Variants in COQ5 observed in about 807,000 individuals in gnomAD.
COQ5 encodes 2-methoxy-6-polyprenyl-1,4-benzoquinol methylase, mitochondrial.
In COQ5, 27 loss-of-function variants were observed where a neutral mutation model predicts 40.5. That is an observed-to-expected ratio of 0.67 (90% CI 0.49 to 0.92). The LOEUF is 0.92. COQ5 is among the 40% of genes least tolerant of loss of function. The pLI is 0.00. For missense variants in COQ5, 409 were observed against 406.4 expected, an observed-to-expected ratio of 1.01 and a Z score of -0.06; for synonymous variants, 141 against 150.0, an observed-to-expected ratio of 0.94 and a Z score of 0.44.
At chr12:120,522,083 A>C in intron 2 of COQ5, 131 bp downstream of exon 2, 2 of 870,926 alleles carry the variant, frequency 2.3e-6, no homozygotes, top group Non-Finnish European at 3.6e-6. Flanking sequence ...TGCCTTTCTC[A>C]GAAGTTATAA....
chr12:120,513,956 C>T (rs571460729), intron 3 of COQ5, among the ~76,000 whole-genome samples: 21 of 152,242 alleles, frequency 1.4e-4, no homozygotes, highest in African/African-American at 5.1e-4. Context: ...TACTATGGGG[C>T]ACTTAATAAT....
At chr12:120,518,018 G>T (rs1869460189) in intron 2 of COQ5, among the ~76,000 whole-genome samples, 1 of 152,006 alleles carries the variant, frequency 6.6e-6, no homozygotes, top group Non-Finnish European at 1.5e-5. Flanking sequence ...TGTTGGTCAG[G>T]CTGGTCTCGA....
At chr12:120,522,110 T>C in intron 2 of COQ5, 104 bp downstream of exon 2, 1 of 1,183,654 alleles carries the variant, frequency 8.4e-7, no homozygotes, top group South Asian at 1.4e-5. Context: ...AGATTTTCAA[T>C]CACCATCTTC....
At chr12:120,526,167 C>T (rs1166268428) in intron 1 of COQ5, among the ~76,000 whole-genome samples, 1 of 152,188 alleles carries the variant, frequency 6.6e-6, no homozygotes, top group African/African-American at 2.4e-5. Flanking sequence ...ACTTCTTTCC[C>T]AGACTTTAGG....
chr12:120,522,367 A>G lies in COQ5; in HGVS notation c.203-4T>C, dbSNP rs781142471. The G allele has an allele frequency of 1.2e-6, 2 of 1,613,044 alleles. No homozygotes were observed. Among genetic ancestry groups the G allele is most frequent in the South Asian group, 2.2e-5 (2 of 91,052 alleles). On this transcript the variant is annotated splice_region_variant and splice_polypyrimidine_tract_variant and intron_variant, in intron 1 of 6. Transcript: ENST00000288532. ...ACACTTTCAAACACCTGATAGACTG[A>G]CATGGGAGAAACACACACAATAGTG...
chr12:120,509,755 T>TA lies in COQ5; in HGVS notation c.681+261dup, dbSNP rs1005326800. 418 of 400,090 alleles carry TA rather than the reference T, an allele frequency of 1.0e-3. 1 individual carries two copies. Among genetic ancestry groups the TA allele is most frequent in the Non-Finnish European group, 1.2e-3 (260 of 214,860 alleles). The allele number at this position is 400,090 out of a possible 1,614,324, so 24.8% of individuals were successfully genotyped here. A position where few individuals can be genotyped will look rare whatever the true frequency, so the allele number is the denominator to read the frequency against. Reference sequence around the variant, plus strand: ...CCTTAAACATTATCTTTTTTAAGATTAAAAAAAAAATCTATCTATCTCTCT... The same window carrying TA: ...CCTTAAACATTATCTTTTTTAAGATTAAAAAAAAAAATCTATCTATCTCTCT... On this transcript the variant is annotated intron_variant, in intron 4 of 6. Transcript: ENST00000288532.
At chr12:120,522,813 G>C in intron 1 of COQ5, 1 of 674,186 alleles carries the variant, frequency 1.5e-6, no homozygotes, top group Non-Finnish European at 2.6e-6. Context: ...CCAAGCCTGG[G>C]GGTGGGCAAT....
chr12:120,519,443 C>G (rs1272802410), intron 2 of COQ5, among the ~76,000 whole-genome samples: 1 of 152,032 alleles, frequency 6.6e-6, no homozygotes, highest in Non-Finnish European at 1.5e-5. Flanking sequence ...GCCTGTAATC[C>G]CAGCTACTTG....
intron 4 of COQ5, among the ~76,000 whole-genome samples, chr12:120,505,673 C>T (rs1417017924): frequency 6.6e-6 from 1 of 151,832 alleles, no homozygotes; most frequent in Non-Finnish European, 1.5e-5. Context: ...TTTCCTGCCT[C>T]AGCCTCCCGA....
intron 3 of COQ5, among the ~76,000 whole-genome samples, chr12:120,511,936 G>A (rs1869152918): frequency 6.6e-6 from 1 of 152,214 alleles, no homozygotes; most frequent in Non-Finnish European, 1.5e-5. Flanking sequence ...TTTTGGCCGG[G>A]TGTGGTGGCT....
At chr12:120,522,636 T>C (rs553195874) in intron 1 of COQ5, 258 of 653,278 alleles carry the variant, frequency 3.9e-4, no homozygotes, top group Non-Finnish European at 5.2e-4. Flanking sequence ...AGTCCTTCTG[T>C]CCTCACATTG....
intron 3 of COQ5, among the ~76,000 whole-genome samples, chr12:120,514,056 C>T (rs892655142): frequency 6.6e-6 from 1 of 152,130 alleles, no homozygotes; most frequent in African/African-American, 2.4e-5. Flanking sequence ...TGGAACACTG[C>T]TTATCATTTC....
At chr12:120,508,049 G>A (rs1379968524) in intron 4 of COQ5, among the ~76,000 whole-genome samples, 1 of 152,012 alleles carries the variant, frequency 6.6e-6, no homozygotes, top group Non-Finnish European at 1.5e-5. Flanking sequence ...CAGGCGGAGT[G>A]CAGTGGTGTG....
At chr12:120,527,072 T>C (rs1175495099) in intron 1 of COQ5, 2 of 151,622 alleles carry the variant, frequency 1.3e-5, no homozygotes, top group Non-Finnish European at 2.9e-5. Flanking sequence ...AGGTTTCTAA[T>C]TTTTTATTAG....
intron 1 of COQ5, among the ~76,000 whole-genome samples, chr12:120,526,299 G>A (rs765054529): frequency 2.0e-5 from 3 of 152,186 alleles, no homozygotes; most frequent in Non-Finnish European, 4.4e-5. Flanking sequence ...AGGGAATTGA[G>A]CAACAAAAAT....
chr12:120,516,648 A>C lies in COQ5; in HGVS notation c.493T>G (p.Ser165Ala). 6.2e-7 allele frequency: 1 copy of C among 1,614,016 alleles called. No homozygotes were observed. The highest frequency in any genetic ancestry group is 8.5e-7 in the Non-Finnish European group (1 of 1,180,004). ...YQNEEDSLGG[S>A]RVVVCDINKE... ...TTGATGTCACACACCACGACACGAG[A>C]CCCGCCCAAGGAATCTTCTTCATTC... Residue 165 changes from serine (S) to alanine (A), a missense_variant, in exon 3 of 7, where the codon TCT (serine) becomes GCT (alanine). Coordinates refer to ENST00000288532, the MANE Select transcript of COQ5 (RefSeq NM_032314.4).
intron 2 of COQ5, among the ~76,000 whole-genome samples, chr12:120,520,572 C>T (rs1373833244): frequency 6.6e-6 from 1 of 152,058 alleles, no homozygotes; most frequent in Non-Finnish European, 1.5e-5. Context: ...GATCCGACCG[C>T]CTCGGGCTCC....
intron 1 of COQ5, chr12:120,523,166 G>A (rs543780835): frequency 4.1e-4 from 104 of 250,924 alleles, no homozygotes; most frequent in Non-Finnish European, 5.9e-4. Context: ...GTGAAACCCC[G>A]TCTCTACTAA....
chr12:120,522,506 T>G, intron 1 of COQ5, 143 bp from the exon 2 acceptor site: 1 of 768,332 alleles, frequency 1.3e-6, no homozygotes, highest in East Asian at 2.5e-5. Flanking sequence ...GATGCCCAAA[T>G]CTACACCTTA....
Sources: gnomAD v4.1 joint callset for allele counts (sites outside exome capture counted in the v4.1 genomes callset) on GRCh38, gnomAD v4.1.1 for gene constraint, MANE v1.5 for transcripts, NCBI Gene and HGNC (gene_info 2026-07-23, HGNC 2026-07-21) for gene names.